RASGRP3: variants seen among roughly 807,000 people sequenced by gnomAD.
RASGRP3 encodes ras guanyl-releasing protein 3.
In RASGRP3, 54 loss-of-function variants were observed where a neutral mutation model predicts 82.7. The observed-to-expected ratio is 0.65, with a 90% CI of 0.52 to 0.82. The LOEUF (loss-of-function observed/expected upper bound fraction) is 0.82, where lower values mean the gene tolerates loss of function less well. Among genes scored for constraint, RASGRP3 ranks in the 40% least tolerant of loss-of-function variants. The pLI is 0.00. For missense variants in RASGRP3, 861 were observed against 828.9 expected (o/e 1.04, Z -0.48); for synonymous variants, 309 against 300.5 (o/e 1.03, Z -0.29).
At chr2:33,534,451 A>G (rs1673405560) in intron 11 of RASGRP3, 51 bp downstream of exon 11, 5 of 1,230,526 alleles carry the variant, frequency 4.1e-6, no homozygotes, top group South Asian at 2.6e-5. Context: ...ATTTTTTGTC[A>G]TGTACAGTAA....
Position 33,520,584 on chromosome 2 carries a change from A to G in RASGRP3, c.268A>G (p.Asn90Asp). The G allele has an allele frequency of 6.2e-7, 1 of 1,614,000 alleles. No homozygotes were observed. ...YWILKFPAEF[N>D]LDLGLIRMTE... ...GATTCTGAAGTTTCCTGCAGAGTTT[A>G]ATTTGGATCTTGGTTTGATTCGTAT... Residue 90 changes from asparagine (N) to aspartate (D), a missense_variant, in exon 6 of 18, where the codon AAT (asparagine) becomes GAT (aspartate). Coordinates refer to ENST00000403687, the MANE Select transcript of RASGRP3 (RefSeq NM_001139488.2).
intron 2 of RASGRP3, among the ~76,000 whole-genome samples, chr2:33,471,319 G>GACTATAGT (rs1553337622): frequency 6.7e-6 from 1 of 150,052 alleles, no homozygotes; most frequent in Non-Finnish European, 1.5e-5. Context: ...AGGACTATAG[G>GACTATAGT]CATCTGCCAT....
At chr2:33,522,764 C>T (rs979531763) in intron 7 of RASGRP3, among the ~76,000 whole-genome samples, 9 of 152,214 alleles carry the variant, frequency 5.9e-5, no homozygotes, top group African/African-American at 2.2e-4. Flanking sequence ...GGGGAAGTCG[C>T]TCCTCCTCCT....
Position 33,527,355 on chromosome 2 carries a change from C to T in RASGRP3, c.1026C>T (p.Ser342=), listed in dbSNP as rs1234888546. 3.1e-6 allele frequency: 5 copies of T among 1,613,782 alleles called. No homozygotes were observed. Among genetic ancestry groups the T allele is most frequent in the Non-Finnish European group, 4.2e-6 (5 of 1,179,842 alleles). Reference sequence around the variant, plus strand: ...CCGTTACCCTGAGTGAACTAGTCTCCCTGCAGAATGCCTCTCACCACTTAG... The same window carrying T: ...CCGTTACCCTGAGTGAACTAGTCTCTCTGCAGAATGCCTCTCACCACTTAG... The part of the protein sequence containing the change: ...QLSVTLSELV[S]LQNASHHLEP... The change falls in exon 10 of 18, where the codon TCC becomes TCT. Residue 342 remains serine, a synonymous_variant. Coordinates refer to ENST00000403687, the MANE Select transcript of RASGRP3 (RefSeq NM_001139488.2).
intron 2 of RASGRP3, among the ~76,000 whole-genome samples, chr2:33,455,056 A>G (rs570448065): frequency 6.6e-6 from 1 of 152,248 alleles, no homozygotes; most frequent in East Asian, 1.9e-4. Flanking sequence ...GTGATGGAGG[A>G]GAGTGGGAAT....
intron 13 of RASGRP3, among the ~76,000 whole-genome samples, chr2:33,544,481 G>T (rs748091215): frequency 5.3e-5 from 8 of 151,082 alleles, no homozygotes; most frequent in Non-Finnish European, 1.0e-4. Flanking sequence ...AATCGCTTTA[G>T]ATACTAAAAC....
At chr2:33,502,864 C>T (rs182762179) in intron 1 of RASGRP3, among the ~76,000 whole-genome samples, 19 of 152,228 alleles carry the variant, frequency 1.2e-4, no homozygotes, top group Admixed American at 1.2e-3. Flanking sequence ...CTTCTTCTCC[C>T]TCTTTCTTTC....
chr2:33,519,149 T>G (rs992749284), intron 4 of RASGRP3, among the ~76,000 whole-genome samples: 124 of 152,160 alleles, frequency 8.1e-4, no homozygotes, highest in Non-Finnish European at 1.9e-4. Flanking sequence ...AGTAATGCAT[T>G]GGGTTACAAC....
chr2:33,507,698 G>T (rs1670522615), intron 1 of RASGRP3, among the ~76,000 whole-genome samples: 1 of 152,090 alleles, frequency 6.6e-6, no homozygotes, highest in Non-Finnish European at 1.5e-5. Context: ...GCTACTTCTT[G>T]TATTTTTATT....
intron 2 of RASGRP3, among the ~76,000 whole-genome samples, chr2:33,458,617 C>G (rs1262652345): frequency 1.3e-5 from 2 of 152,068 alleles, no homozygotes; most frequent in Non-Finnish European, 2.9e-5. Context: ...GATAGTGGAC[C>G]CTATTCCTGC....
At chr2:33,544,890 A>T (rs1315300115) in intron 13 of RASGRP3, among the ~76,000 whole-genome samples, 3 of 152,190 alleles carry the variant, frequency 2.0e-5, no homozygotes, top group African/African-American at 4.8e-5. Flanking sequence ...CACCAAGAAA[A>T]GTCTTGACAC....
intron 13 of RASGRP3, among the ~76,000 whole-genome samples, chr2:33,548,672 A>T (rs11690827): frequency 0.29 from 43,458 of 151,980 alleles, 7,272 homozygotes; most frequent in Middle Eastern, 0.43. Flanking sequence ...GAAGCAAGAT[A>T]GAGCTCACCT....
chr2:33,522,178 T>C (rs966877676), intron 7 of RASGRP3, 76 bp downstream of exon 7: 17 of 1,487,908 alleles, frequency 1.1e-5, no homozygotes, highest in African/African-American at 7.0e-5. Context: ...ATTTTCATAC[T>C]CTGAAGTGTT....
At chr2:33,446,152 CGTTT>C (rs756735060) in intron 1 of RASGRP3, among the ~76,000 whole-genome samples, 73 of 151,740 alleles carry the variant, frequency 4.8e-4, no homozygotes, top group Non-Finnish European at 9.0e-4. Context: ...TAATTTTGTT[CGTTT>C]GTTTGTTTGT....
Position 33,562,842 on chromosome 2 carries a change from C to T in RASGRP3, c.*105C>T, listed in dbSNP as rs1472802387. ...TCTCAGGAAGTTATCTGGAAAGATA[C>T]CTGGATGTTTACTGCCTTGGGACAC... On this transcript the variant is annotated 3_prime_UTR_variant, in exon 18 of 18. Coordinates refer to ENST00000403687, the MANE Select transcript of RASGRP3 (RefSeq NM_001139488.2). 1 of 1,433,612 alleles carries T rather than the reference C, an allele frequency of 7.0e-7. No homozygotes were observed. The highest frequency in any genetic ancestry group is 9.7e-7 in the Non-Finnish European group (1 of 1,027,034). The allele number at this position is 1,433,612 out of a possible 1,614,324, so 88.8% of individuals were successfully genotyped here.
At chr2:33,496,555 G>T (rs1669330110) in intron 1 of RASGRP3, among the ~76,000 whole-genome samples, 1 of 152,126 alleles carries the variant, frequency 6.6e-6, no homozygotes. Flanking sequence ...TTTTCTAGTT[G>T]TCAAAAAATA....
chr2:33,488,841 T>C (rs1433086044), intron 1 of RASGRP3, among the ~76,000 whole-genome samples: 1 of 152,206 alleles, frequency 6.6e-6, no homozygotes, highest in African/African-American at 2.4e-5. Flanking sequence ...TTTTTGTTGA[T>C]GAAGATATCG....
chr2:33,500,388 C>T (rs934581915), intron 1 of RASGRP3, among the ~76,000 whole-genome samples: 1 of 152,092 alleles, frequency 6.6e-6, no homozygotes, highest in African/African-American at 2.4e-5. Flanking sequence ...ATATAGAAGT[C>T]TGAGAAGTGA....
At chr2:33,510,521 A>G (rs1670828983) in intron 1 of RASGRP3, among the ~76,000 whole-genome samples, 1 of 152,002 alleles carries the variant, frequency 6.6e-6, no homozygotes, top group South Asian at 2.1e-4. Flanking sequence ...GTGTCATCGT[A>G]TTTTTTCTTC....
Sources: gnomAD v4.1 joint callset for allele counts (sites outside exome capture counted in the v4.1 genomes callset) on GRCh38, gnomAD v4.1.1 for gene constraint, MANE v1.5 for transcripts, NCBI Gene and HGNC (gene_info 2026-07-23, HGNC 2026-07-21) for gene names.